LSAMP: variants seen among roughly 807,000 people sequenced by gnomAD.
The protein encoded by LSAMP is limbic system associated membrane protein, also known as limbic system-associated membrane protein.
In LSAMP, 7 loss-of-function variants were observed where a neutral mutation model predicts 38.6. The ratio of observed to expected loss-of-function variants is 0.18; its 90% CI spans 0.10 to 0.34. The LOEUF is 0.34. Among genes scored for constraint, LSAMP ranks in the 10% least tolerant of loss-of-function variants. The pLI, the probability that LSAMP is intolerant of heterozygous loss-of-function variation, is 1.00. For missense variants in LSAMP, 313 were observed against 420.0 expected, an observed-to-expected ratio of 0.75 and a Z score of 2.23; for synonymous variants, 154 against 166.8, an observed-to-expected ratio of 0.92 and a Z score of 0.59.
intron 1 of LSAMP, among the ~76,000 whole-genome samples, chr3:116,164,758 A>ATTT (rs1476841112): frequency 3.6e-5 from 2 of 55,242 alleles, no homozygotes; most frequent in Non-Finnish European, 8.0e-5. Flanking sequence ...ATATATATAT[A>ATTT]TATTTTTTTT....
intron 2 of LSAMP, among the ~76,000 whole-genome samples, chr3:116,082,525 G>A (rs1436012347): frequency 1.3e-5 from 2 of 152,138 alleles, no homozygotes; most frequent in Admixed American, 1.3e-4. Flanking sequence ...CTTTGCTTCA[G>A]CCTATACAAG....
At chr3:116,342,474 A>G (rs1372723380) in intron 1 of LSAMP, among the ~76,000 whole-genome samples, 1 of 152,104 alleles carries the variant, frequency 6.6e-6, no homozygotes, top group Non-Finnish European at 1.5e-5. Flanking sequence ...ACATTTCTCA[A>G]ATGTATGAAC....
Position 115,867,530 on chromosome 3 carries a change from G to C in LSAMP, c.515-14913C>G, listed in dbSNP as rs139510271. On this transcript the variant is annotated intron_variant, in intron 3 of 6. Coordinates refer to ENST00000490035, the MANE Select transcript of LSAMP (RefSeq NM_002338.5). ...TGACCCGCTGTGCTGAGGGGCAGAG[G>C]AGACACAGGAAAAGATGTGAAAGCA... 3.5e-3 allele frequency among the ~76,000 whole-genome samples: 529 copies of C among 152,198 alleles called. 2 individuals carry two copies. Among genetic ancestry groups the C allele is most frequent in the African/African-American group, 0.012 (507 of 41,520 alleles).
chr3:115,942,782 T>C (rs1025697936), intron 3 of LSAMP, among the ~76,000 whole-genome samples: 1 of 152,194 alleles, frequency 6.6e-6, no homozygotes, highest in African/African-American at 2.4e-5. Context: ...GCAAGTGATC[T>C]GCAGACCACA....
At position 116,277,815 on chromosome 3, in the gene LSAMP, AACC is replaced by A. The variant is rs543656136; in HGVS notation, c.155+167059_155+167061del. 1.4e-4 allele frequency among the ~76,000 whole-genome samples: 21 copies of A among 152,318 alleles called. 1 individual carries two copies. In the South Asian group the frequency reaches 4.3e-3, roughly 32 times the overall value. On this transcript the variant is annotated intron_variant, in intron 1 of 6. Coordinates refer to ENST00000490035, the MANE Select transcript of LSAMP (RefSeq NM_002338.5). ...GGACAAATATATCGATTATTTAGAG[AACC>A]ATGAGAGACTCAGCCTGCTCTTATT...
At chr3:116,090,930 T>C (rs968026565) in intron 1 of LSAMP, among the ~76,000 whole-genome samples, 1 of 152,330 alleles carries the variant, frequency 6.6e-6, no homozygotes, top group South Asian at 2.1e-4. Flanking sequence ...TCGGGCACCA[T>C]TGTCATTGAT....
intron 1 of LSAMP, among the ~76,000 whole-genome samples, chr3:116,282,375 AC>A (rs1435996177): frequency 6.6e-6 from 1 of 152,244 alleles, no homozygotes; most frequent in African/African-American, 2.4e-5. Context: ...TGTTCTTTTA[AC>A]TAGTGGCACA....
intron 3 of LSAMP, among the ~76,000 whole-genome samples, chr3:115,854,279 A>ATTTTTTT (rs1182024413): frequency 4.3e-5 from 5 of 116,388 alleles, no homozygotes; most frequent in South Asian, 2.7e-4. Context: ...TATTATTATT[A>ATTTTTTT]TTATTTTTTT....
At chr3:116,394,890 A>G (rs2048748607) in intron 1 of LSAMP, among the ~76,000 whole-genome samples, 1 of 152,170 alleles carries the variant, frequency 6.6e-6, no homozygotes. Context: ...GGCTGTCGAT[A>G]CATAGTTGCA....
At chr3:116,077,250 C>T (rs9882223) in intron 2 of LSAMP, among the ~76,000 whole-genome samples, 2,326 of 151,752 alleles carry the variant, frequency 0.015, 54 homozygotes, top group African/African-American at 0.052. Context: ...ACTAATGTTA[C>T]GTAATAATAA....
chr3:116,414,114 T>G (rs2049016995), intron 1 of LSAMP, among the ~76,000 whole-genome samples: 1 of 152,126 alleles, frequency 6.6e-6, no homozygotes, highest in African/African-American at 2.4e-5. Flanking sequence ...AGCAGGCTGT[T>G]GTACACTGTC....
intron 4 of LSAMP, among the ~76,000 whole-genome samples, chr3:115,848,480 G>T (rs1416703294): frequency 6.6e-6 from 1 of 152,158 alleles, no homozygotes; most frequent in Admixed American, 6.5e-5. Flanking sequence ...GGTGATTTTT[G>T]AATCAAATCA....
rs1416879499 is a variant in LSAMP at position 116,375,006 on chromosome 3, C to CA, written c.155+69870dup. 3.3e-5 allele frequency among the ~76,000 whole-genome samples: 5 copies of CA among 151,822 alleles called. No individual in the cohort carries two copies. In the South Asian group the frequency reaches 8.3e-4, roughly 25 times the overall value. On this transcript the variant is annotated intron_variant, in intron 1 of 6. Transcript: ENST00000490035. ...CTTTCTCCTGCCTTGGGCCCAGGCACAAAAAAGAGTTGATTCCCTTTAATA... is the reference window on the plus strand; with the variant it reads ...CTTTCTCCTGCCTTGGGCCCAGGCACAAAAAAAGAGTTGATTCCCTTTAATA...
chr3:115,835,226 A>C (rs1934745428), intron 6 of LSAMP, among the ~76,000 whole-genome samples: 1 of 152,132 alleles, frequency 6.6e-6, no homozygotes, highest in African/African-American at 2.4e-5. Flanking sequence ...TTTATAATAC[A>C]TTCTTACCCG....
At chr3:116,169,831 G>A (rs953327216) in intron 1 of LSAMP, among the ~76,000 whole-genome samples, 8 of 152,082 alleles carry the variant, frequency 5.3e-5, no homozygotes, top group African/African-American at 9.7e-5. Flanking sequence ...TACTGACAGC[G>A]GGTCTTGTGA....
intron 3 of LSAMP, among the ~76,000 whole-genome samples, chr3:115,968,802 C>A (rs780307070): frequency 2.0e-5 from 3 of 152,176 alleles, no homozygotes; most frequent in Non-Finnish European, 2.9e-5. Flanking sequence ...CCTAGACTGC[C>A]TTTCCAGTTT....
At chr3:116,381,759 A>G (rs2048560890) in intron 1 of LSAMP, among the ~76,000 whole-genome samples, 2 of 152,116 alleles carry the variant, frequency 1.3e-5, no homozygotes, top group African/African-American at 4.8e-5. Flanking sequence ...ACTACCGCAG[A>G]GACCACCTTT....
intron 1 of LSAMP, among the ~76,000 whole-genome samples, chr3:116,311,086 T>C (rs537980645): frequency 1.6e-4 from 25 of 152,092 alleles, no homozygotes; most frequent in Non-Finnish European, 2.5e-4. Context: ...GATCATCACT[T>C]ACAGAATTAG....
chr3:116,344,079 A>G (rs540686098), intron 1 of LSAMP, among the ~76,000 whole-genome samples: 1 of 152,164 alleles, frequency 6.6e-6, no homozygotes, highest in South Asian at 2.1e-4. Context: ...TGTGGGTACC[A>G]AAAGCAAGCA....
Sources: gnomAD v4.1 joint callset for allele counts (sites outside exome capture counted in the v4.1 genomes callset) on GRCh38, gnomAD v4.1.1 for gene constraint, MANE v1.5 for transcripts, NCBI Gene and HGNC (gene_info 2026-07-23, HGNC 2026-07-21) for gene names.